The following ETV1 variants were observed in gnomAD, a reference collection of about 807,000 sequenced individuals.
The protein encoded by ETV1 is ETS translocation variant 1.
In ETV1, 27 loss-of-function variants were observed where a neutral mutation model predicts 62.3. That is an observed-to-expected ratio of 0.43 (90% CI 0.32 to 0.60). The LOEUF (loss-of-function observed/expected upper bound fraction) is 0.60, where lower values mean the gene tolerates loss of function less well. Among genes scored for constraint, ETV1 ranks in the 20% least tolerant of loss-of-function variants. ETV1 has a pLI of 0.06. For missense variants in ETV1, 605 were observed against 605.8 expected (o/e 1.00, Z 0.01); for synonymous variants, 222 against 199.6 (o/e 1.11, Z -0.94).
chr7:13,959,296 TG>T (rs1789871121), intron 6 of ETV1, among the ~76,000 whole-genome samples: 1 of 152,134 alleles, frequency 6.6e-6, no homozygotes, highest in Admixed American at 6.5e-5. Context: ...AAGTAGTAGA[TG>T]GGGCACTGAG....
At chr7:13,896,743 G>GGAAAGA (rs1781847293) in intron 13 of ETV1, among the ~76,000 whole-genome samples, 1 of 115,302 alleles carries the variant, frequency 8.7e-6, no homozygotes, top group African/African-American at 3.4e-5. Context: ...AAGAAAGAAA[G>GGAAAGA]GAAAGAAAGA....
rs554819416 is a variant in ETV1, at chr7:13,986,815, A to T, written c.134-130T>A. Reference sequence around the variant, plus strand: ...AAGAGACGCAGTCAACATAAAAATAAAAAAAAGAGGCATAACTTAAATATC... The same window carrying T: ...AAGAGACGCAGTCAACATAAAAATATAAAAAAGAGGCATAACTTAAATATC... On this transcript the variant is annotated intron_variant, in intron 4 of 13. Coordinates refer to ENST00000430479, the MANE Select transcript of ETV1 (RefSeq NM_004956.5). The T allele has an allele frequency of 4.3e-3, 2,544 of 597,642 alleles. 5 individuals carry two copies. Among genetic ancestry groups the T allele is most frequent in the Non-Finnish European group, 5.6e-3 (2,149 of 385,066 alleles). The allele number at this position is 597,642 out of a possible 1,614,324, so 37.0% of individuals were successfully genotyped here.
rs1200917092 is a variant in ETV1, at chr7:13,895,049, C to T, written c.*817G>A. On this transcript the variant is annotated 3_prime_UTR_variant, in exon 14 of 14. Transcript: ENST00000430479. ...AGATTTAACATTTAAATGAAGATTC[C>T]AAAGGACCATGACATGTCATTATTT... The T allele has an allele frequency of 4.3e-6, 1 of 232,866 alleles. No individual in the cohort carries two copies. Among genetic ancestry groups the T allele is most frequent in the Admixed American group, 5.6e-5 (1 of 17,732 alleles). The allele number at this position is 232,866 out of a possible 1,614,324, so 14.4% of individuals were successfully genotyped here.
chr7:13,988,490 G>C, intron 3 of ETV1: 1 of 652,584 alleles, frequency 1.5e-6, no homozygotes, highest in Non-Finnish European at 2.5e-6. Flanking sequence ...TTGTTTTTAG[G>C]CTGGTTCAAT....
intron 3 of ETV1, 55 bp downstream of exon 3, chr7:13,988,953 C>A: frequency 6.6e-7 from 1 of 1,524,562 alleles, no homozygotes; most frequent in Non-Finnish European, 9.0e-7. Context: ...TCTCCCTCTC[C>A]CCACCCCCGA....
At chr7:13,928,350 C>G (rs1160761279) in intron 9 of ETV1, among the ~76,000 whole-genome samples, 3 of 152,194 alleles carry the variant, frequency 2.0e-5, no homozygotes, top group African/African-American at 7.2e-5. Flanking sequence ...GGCGTGGTGG[C>G]TCACGCTTGT....
upstream of ETV1, chr7:13,989,839 C>T (rs1782887483): frequency 1.3e-5 from 5 of 376,070 alleles, no homozygotes; most frequent in Non-Finnish European, 4.7e-6. Context: ...CCCCTCTGCC[C>T]TAGGGGGTGC....
intron 6 of ETV1, among the ~76,000 whole-genome samples, chr7:13,941,566 G>A (rs894970467): frequency 1.3e-5 from 2 of 152,086 alleles, no homozygotes; most frequent in African/African-American, 2.4e-5. Context: ...GAAAACCCAC[G>A]AAGAATTTAA....
chr7:13,906,974 C>T (rs1360141317), intron 11 of ETV1, among the ~76,000 whole-genome samples: 1 of 152,032 alleles, frequency 6.6e-6, no homozygotes, highest in East Asian at 1.9e-4. Flanking sequence ...ACCCACTGCT[C>T]TAGGCAACAC....
In ETV1 at chr7:13,953,671, T is replaced by TAA. The variant is rs547636006; in HGVS notation, c.236-14427_236-14426dup. Among the ~76,000 whole-genome samples, 879 of 128,556 alleles carry TAA rather than the reference T, an allele frequency of 6.8e-3. 6 individuals are homozygous for TAA. Among genetic ancestry groups the TAA allele is most frequent in the Non-Finnish European group, 0.01 (612 of 59,168 alleles). 84.3% of individuals were successfully genotyped at this position (128,556 alleles called of 152,430 possible). A position where few individuals can be genotyped will look rare whatever the true frequency, so the allele number is the denominator to read the frequency against. ...ACAGGTTCTTCCCATAAGAACATGT[T>TAA]AAAAAAAAAAAAAAAAGAAAGAAAA... On this transcript the variant is annotated intron_variant, in intron 6 of 13. Transcript: ENST00000430479.
chr7:13,954,433 A>G (rs1184577973), intron 6 of ETV1, among the ~76,000 whole-genome samples: 1 of 152,212 alleles, frequency 6.6e-6, no homozygotes, highest in Non-Finnish European at 1.5e-5. Flanking sequence ...AAAACTCCAC[A>G]TCTATACAAC....
At chr7:13,926,089 T>A (rs556330559) in intron 9 of ETV1, among the ~76,000 whole-genome samples, 1 of 152,302 alleles carries the variant, frequency 6.6e-6, no homozygotes, top group African/African-American at 2.4e-5. Flanking sequence ...AAAATCTGAC[T>A]TCTAATGGCT....
rs1333325285 is a variant in ETV1 at position 13,893,582 on chromosome 7, T to C, written c.*2284A>G. The C allele has an allele frequency of 8.6e-6, 2 of 231,398 alleles. No individual in the cohort carries two copies. Among genetic ancestry groups the C allele is most frequent in the African/African-American group, 4.4e-5 (2 of 45,076 alleles). 14.3% of individuals were successfully genotyped at this position (231,398 alleles called of 1,614,324 possible). ...CATGGCCCAATTCTTCCTCACTGAC[T>C]GACTAAAACTAGACTATTAAAAAGA... On this transcript the variant is annotated 3_prime_UTR_variant, in exon 14 of 14. Coordinates refer to ENST00000430479, the MANE Select transcript of ETV1 (RefSeq NM_004956.5).
At position 13,939,107 on chromosome 7, in the gene ETV1, G is replaced by C. The variant is rs1456840925; in HGVS notation, c.365+10C>G. On this transcript the variant is annotated intron_variant, in intron 7 of 13. Coordinates refer to ENST00000430479, the MANE Select transcript of ETV1 (RefSeq NM_004956.5). ...CCACTATCCTACATACATACACCTG[G>C]TGGCTTTACCTGACATTGTACAGGC... is the stretch of plus-strand genomic sequence containing the variant. 1 of 1,610,960 alleles carries C rather than the reference G, an allele frequency of 6.2e-7. No homozygotes were observed. Among genetic ancestry groups the C allele is most frequent in the Non-Finnish European group, 8.5e-7 (1 of 1,178,970 alleles).
At chr7:13,959,147 A>T (rs1789851108) in intron 6 of ETV1, 1 of 152,026 alleles carries the variant, frequency 6.6e-6, no homozygotes, top group African/African-American at 2.4e-5. Flanking sequence ...TAGTAATAAT[A>T]TTAATAATTA....
Position 13,967,933 on chromosome 7 carries a change from T to C in ETV1, c.235+9494A>G, listed in dbSNP as rs190570876. On this transcript the variant is annotated intron_variant, in intron 6 of 13. Transcript: ENST00000430479. ...TTACTTTTTTACATATCAGAATATA[T>C]AGATGTATGTGTATTTATTAAAAAT... is the stretch of plus-strand genomic sequence containing the variant. 5.7e-3 allele frequency among the ~76,000 whole-genome samples: 867 copies of C among 152,224 alleles called. 8 individuals carry two copies. Among genetic ancestry groups the C allele is most frequent in the African/African-American group, 0.02 (822 of 41,566 alleles).
chr7:13,972,651 T>C (rs1403214272), intron 6 of ETV1, among the ~76,000 whole-genome samples: 3 of 152,128 alleles, frequency 2.0e-5, no homozygotes, highest in Non-Finnish European at 4.4e-5. Flanking sequence ...TCCAACAGAG[T>C]GTCTGAGATA....
At chr7:13,929,587 C>T (rs906059936) in intron 9 of ETV1, among the ~76,000 whole-genome samples, 1 of 152,160 alleles carries the variant, frequency 6.6e-6, no homozygotes, top group Admixed American at 6.5e-5. Flanking sequence ...GAGTTTCACA[C>T]ATCAAGATCC....
chr7:13,984,746 C>A (rs1414626095), intron 5 of ETV1, among the ~76,000 whole-genome samples: 1 of 151,888 alleles, frequency 6.6e-6, no homozygotes, highest in Non-Finnish European at 1.5e-5. Context: ...CCATGTTCTT[C>A]CAAATACACT....
Sources: gnomAD v4.1 joint callset for allele counts (sites outside exome capture counted in the v4.1 genomes callset) on GRCh38, gnomAD v4.1.1 for gene constraint, MANE v1.5 for transcripts, NCBI Gene and HGNC (gene_info 2026-07-23, HGNC 2026-07-21) for gene names.